The following FGF14 variants were observed in gnomAD, a reference collection of about 807,000 sequenced individuals.
FGF14 encodes fibroblast growth factor 14.
FGF14 carries 5 observed loss-of-function variants against 25.5 expected under a neutral mutation model. The observed-to-expected ratio is 0.20, with a 90% confidence interval of 0.10 to 0.41. FGF14 has a LOEUF of 0.41. Among genes scored for constraint, FGF14 ranks in the 10% least tolerant of loss-of-function variants. The pLI is 1.00. For synonymous variants in FGF14, 138 were observed against 118.3 expected (o/e 1.17, Z -1.08); for missense variants, 222 against 320.1 (o/e 0.69, Z 2.34).
intron 3 of FGF14, among the ~76,000 whole-genome samples, chr13:101,771,088 T>TG (rs771660381): frequency 3.1e-4 from 47 of 152,260 alleles, no homozygotes; most frequent in Non-Finnish European, 6.0e-4. Flanking sequence ...TTGTAGAGGA[T>TG]GCTTAATGCT....
At chr13:101,936,919 G>A (rs2035141360) in intron 1 of FGF14, among the ~76,000 whole-genome samples, 1 of 152,162 alleles carries the variant, frequency 6.6e-6, no homozygotes, top group Admixed American at 6.5e-5. Context: ...ATTAATTAGT[G>A]TATAGAAGCA....
chr13:101,816,266 T>C (rs1209796251), intron 3 of FGF14, among the ~76,000 whole-genome samples: 2 of 72,502 alleles, frequency 2.8e-5, no homozygotes, highest in East Asian at 2.9e-4. Context: ...AGAGACTCCG[T>C]CTCAAAAAAA....
At chr13:101,989,611 T>C (rs2038786394) in intron 1 of FGF14, among the ~76,000 whole-genome samples, 1 of 152,158 alleles carries the variant, frequency 6.6e-6, no homozygotes, top group Non-Finnish European at 1.5e-5. Context: ...CATGCATATA[T>C]GTTTTTGTAT....
intron 1 of FGF14, among the ~76,000 whole-genome samples, chr13:102,155,925 C>T (rs1194589535): frequency 6.6e-6 from 1 of 152,304 alleles, no homozygotes; most frequent in South Asian, 2.1e-4. Flanking sequence ...TGGATACATT[C>T]CTCGACACAT....
intron 1 of FGF14, among the ~76,000 whole-genome samples, chr13:102,189,263 G>A (rs1236853337): frequency 1.3e-5 from 2 of 152,138 alleles, no homozygotes; most frequent in African/African-American, 4.8e-5. Context: ...AACAGGCTGA[G>A]ATATAGGGTT....
chr13:102,061,237 T>A (rs2042675906), intron 1 of FGF14, among the ~76,000 whole-genome samples: 1 of 152,162 alleles, frequency 6.6e-6, no homozygotes, highest in Non-Finnish European at 1.5e-5. Flanking sequence ...AGGCAGAAGG[T>A]CTAACTGAGC....
chr13:101,903,202 T>G (rs1384554012), intron 1 of FGF14, among the ~76,000 whole-genome samples: 2 of 152,060 alleles, frequency 1.3e-5, no homozygotes, highest in African/African-American at 4.8e-5. Flanking sequence ...GACATTCATT[T>G]AAGTTACAGA....
intron 1 of FGF14, among the ~76,000 whole-genome samples, chr13:102,324,062 T>A (rs931293059): frequency 1.3e-5 from 2 of 151,910 alleles, no homozygotes; most frequent in African/African-American, 4.8e-5. Flanking sequence ...GGCATTATCA[T>A]ATATATCCTT....
chr13:102,056,114 C>T (rs576585619), intron 1 of FGF14, among the ~76,000 whole-genome samples: 15 of 152,318 alleles, frequency 9.8e-5, no homozygotes, highest in East Asian at 3.9e-4. Flanking sequence ...CAAATCACAT[C>T]GGCTTTATTG....
intron 1 of FGF14, among the ~76,000 whole-genome samples, chr13:101,975,079 C>T (rs1322788159): frequency 6.6e-6 from 1 of 152,092 alleles, no homozygotes; most frequent in Admixed American, 6.5e-5. Context: ...GTGGCCCTGG[C>T]TTCCTGGCTG....
At chr13:102,156,167 G>A (rs1277010968) in intron 1 of FGF14, among the ~76,000 whole-genome samples, 1 of 152,170 alleles carries the variant, frequency 6.6e-6, no homozygotes, top group Non-Finnish European at 1.5e-5. Context: ...TATGAGGCCA[G>A]CATCATCCTG....
chr13:101,820,771 CCACACACCACACACACACA>C lies in FGF14; in HGVS notation c.408+47935_408+47953del, dbSNP rs1189562018. ...GCTACAGCTACAGTACACACACACA[CCACACACCACACACACACA>C]CACACACACACACACAACACACACA... On this transcript the variant is annotated intron_variant, in intron 3 of 4. Transcript: ENST00000376143. Among the ~76,000 whole-genome samples, 9 of 91,838 alleles carry C rather than the reference CCACACACCACACACACACA, an allele frequency of 9.8e-5. 1 individual carries two copies. Among genetic ancestry groups the C allele is most frequent in the Non-Finnish European group, 1.1e-4 (4 of 37,136 alleles). 60.2% of individuals were successfully genotyped at this position (91,838 alleles called of 152,430 possible). A position where few individuals can be genotyped will look rare whatever the true frequency, so the allele number is the denominator to read the frequency against.
At chr13:101,729,494 A>C (rs1489478076) in intron 3 of FGF14, among the ~76,000 whole-genome samples, 4 of 152,150 alleles carry the variant, frequency 2.6e-5, no homozygotes, top group African/African-American at 9.7e-5. Flanking sequence ...AGACAGTAGG[A>C]TTCAACCCTG....
rs80144177 is a variant in FGF14, at chr13:102,372,468, G to A, written c.208+29003C>T. On this transcript the variant is annotated intron_variant, in intron 1 of 4. Transcript: ENST00000376131. The stretch of plus-strand genomic sequence containing the variant: ...GAAGACTAGCGATGAAGACATGCCA[G>A]GAAAGTCTTGGTTGACGTATGCCAC... Among the ~76,000 whole-genome samples, 1,067 of 152,240 alleles carry A rather than the reference G, an allele frequency of 7.0e-3. 17 individuals are homozygous for A. The highest frequency in any genetic ancestry group is 0.044 in the East Asian group (229 of 5,178).
rs1223888122 is a variant in FGF14, at chr13:101,718,836, AAC to A, written c.*3993_*3994del. 1 of 152,008 alleles carries A rather than the reference AAC, an allele frequency of 6.6e-6. No individual in the cohort carries two copies. Among genetic ancestry groups the A allele is most frequent in the African/African-American group, 2.4e-5 (1 of 41,402 alleles). The allele number at this position is 152,008 out of a possible 1,614,324, so 9.4% of individuals were successfully genotyped here. On this transcript the variant is annotated 3_prime_UTR_variant, in exon 5 of 5. Coordinates refer to ENST00000376143, the MANE Select transcript of FGF14 (RefSeq NM_004115.4). Reference sequence around the variant, plus strand: ...GCCTTAGTTTGCAGACTCAACTGTCAACACTTTGAAACCCTACTCCATATTCA... The same window carrying A: ...GCCTTAGTTTGCAGACTCAACTGTCAACTTTGAAACCCTACTCCATATTCA...
chr13:102,277,663 G>A (rs982013134), intron 1 of FGF14, among the ~76,000 whole-genome samples: 2 of 152,228 alleles, frequency 1.3e-5, no homozygotes, highest in African/African-American at 4.8e-5. Context: ...CTTTTCATAA[G>A]CTCAACCATT....
intron 1 of FGF14, among the ~76,000 whole-genome samples, chr13:102,123,934 T>C (rs113856976): frequency 5.8e-4 from 88 of 152,312 alleles, no homozygotes; most frequent in Middle Eastern, 3.4e-3. Flanking sequence ...CTTAAGATCA[T>C]TCAGCACTTC....
chr13:101,850,467 T>C (rs2043716929), intron 3 of FGF14, among the ~76,000 whole-genome samples: 1 of 7,058 alleles, frequency 1.4e-4, no homozygotes, highest in Admixed American at 3.0e-3. Context: ...AGGCAATATA[T>C]ATATATATAT....
chr13:102,293,650 A>C (rs1364220631), intron 1 of FGF14: 1 of 152,206 alleles, frequency 6.6e-6, no homozygotes, highest in Non-Finnish European at 1.5e-5. Context: ...GGTGGTATCT[A>C]TAATGTGGTA....
Sources: allele counts gnomAD v4.1 joint callset (sites outside exome capture counted in the v4.1 genomes callset), GRCh38; gene constraint gnomAD v4.1.1; transcripts MANE v1.5; gene names NCBI Gene and HGNC (gene_info 2026-07-23, HGNC 2026-07-21).